Variants in USP42 observed in about 807,000 individuals in gnomAD.
USP42 encodes the protein ubiquitin specific peptidase 42.
A neutral mutation model predicts 113.0 loss-of-function variants in USP42; 23 were observed. The observed-to-expected ratio is 0.20, with a 90% CI of 0.15 to 0.29. The LOEUF is 0.29. USP42 is among the 10% of genes least tolerant of loss of function. USP42 has a pLI of 1.00. For synonymous variants in USP42, 933 were observed against 699.0 expected, an observed-to-expected ratio of 1.33 and a Z score of -5.28; for missense variants, 2,174 against 1,779.8, an observed-to-expected ratio of 1.22 and a Z score of -3.99.
At chr7:6,134,731 C>T (rs1336891864) in intron 3 of USP42, among the ~76,000 whole-genome samples, 1 of 152,162 alleles carries the variant, frequency 6.6e-6, no homozygotes, top group Non-Finnish European at 1.5e-5. Context: ...TAGAGACCAC[C>T]ATCTGTGGCC....
At chr7:6,152,880 G>A in intron 14 of USP42, 1 of 974,410 alleles carries the variant, frequency 1.0e-6, no homozygotes, top group Non-Finnish European at 1.2e-6. Context: ...CTACCTTTGA[G>A]GGTCCAAGAG....
chr7:6,089,376 C>T, the USP42 span, among the ~76,000 whole-genome samples: 2 of 150,052 alleles, frequency 1.3e-5, no homozygotes, highest in Non-Finnish European at 2.9e-5. Flanking sequence ...GATTGGCTAC[C>T]CCTGGGAGGG....
chr7:6,108,347 G>T (rs1327908394), intron 1 of USP42, among the ~76,000 whole-genome samples: 3 of 152,098 alleles, frequency 2.0e-5, no homozygotes. Flanking sequence ...AGACCAGCCT[G>T]GGCAACGTAG....
chr7:6,109,881 A>C (rs188342064), intron 1 of USP42, among the ~76,000 whole-genome samples: 1 of 148,476 alleles, frequency 6.7e-6, no homozygotes, highest in East Asian at 2.0e-4. Flanking sequence ...TTGTATTTTT[A>C]GTAGAGATGA....
chr7:6,092,103 T>C, the USP42 span, among the ~76,000 whole-genome samples: 441 of 86,744 alleles, frequency 5.1e-3, 30 homozygotes, highest in South Asian at 6.0e-3. Flanking sequence ...CTTCCTCCTC[T>C]TCTTCTTCTT....
At chr7:6,106,599 C>G (rs1012931729) in intron 1 of USP42, among the ~76,000 whole-genome samples, 1 of 152,190 alleles carries the variant, frequency 6.6e-6, no homozygotes, top group African/African-American at 2.4e-5. Flanking sequence ...AGATCTCCCT[C>G]TGCTGCCTAG....
intron 3 of USP42, among the ~76,000 whole-genome samples, chr7:6,117,646 T>G (rs550693175): frequency 3.9e-5 from 6 of 152,220 alleles, no homozygotes; most frequent in Non-Finnish European, 8.8e-5. Context: ...TTGCAGTGTT[T>G]TATAGTCCCA....
intron 3 of USP42, chr7:6,116,521 A>G (rs570689079): frequency 2.5e-5 from 7 of 276,512 alleles, no homozygotes; most frequent in East Asian, 1.4e-4. Context: ...TCATGTGTGT[A>G]TGTTCTGGGG....
intron 12 of USP42, among the ~76,000 whole-genome samples, 168 bp downstream of exon 12, chr7:6,148,060 G>A (rs1474836994): frequency 2.6e-5 from 4 of 152,198 alleles, no homozygotes; most frequent in African/African-American, 7.2e-5. Context: ...GAAAACGGCC[G>A]AGCGCAGTGG....
upstream of USP42, among the ~76,000 whole-genome samples, chr7:6,102,140 GA>G (rs1790145755): frequency 1.4e-5 from 2 of 139,166 alleles, no homozygotes; most frequent in Non-Finnish European, 1.5e-5. Context: ...GAGACAGACG[GA>G]ATCTCACTCT....
chr7:6,081,997 A>G, the USP42 span, among the ~76,000 whole-genome samples: 1 of 152,124 alleles, frequency 6.6e-6, no homozygotes, highest in Non-Finnish European at 1.5e-5. Context: ...TAAGTTCCAA[A>G]TAATAGGTAT....
In USP42 at chr7:6,135,968, G is replaced by A. The variant is rs540870634; in HGVS notation, c.553+17G>A. The A allele has an allele frequency of 4.9e-6, 6 of 1,219,828 alleles. No homozygotes were observed. In the South Asian group the frequency reaches 5.7e-5, roughly 12 times the overall value. 75.6% of individuals were successfully genotyped at this position (1,219,828 alleles called of 1,614,324 possible). On this transcript the variant is annotated intron_variant, in intron 4 of 17. Coordinates refer to ENST00000306177, the MANE Select transcript of USP42 (RefSeq NM_032172.3). ...AGATGCGGCGTAAGTATTAACTATT[G>A]TAGTTTTATATTTGTATTTATTACC...
intron 1 of USP42, 133 bp from the exon 2 acceptor site, chr7:6,110,992 G>GT: frequency 1.1e-6 from 1 of 885,974 alleles, no homozygotes. Context: ...AAGTACTATT[G>GT]TTTTTATATT....
chr7:6,086,440 C>A, the USP42 span, among the ~76,000 whole-genome samples: 1 of 150,690 alleles, frequency 6.6e-6, no homozygotes, highest in Non-Finnish European at 1.5e-5. Flanking sequence ...CTCCTGACAT[C>A]ATGATCCGCC....
rs1424864986 is a variant in USP42 at position 6,144,065 on chromosome 7, T to C, written c.879-20T>C. 8 of 1,471,612 alleles carry C rather than the reference T, an allele frequency of 5.4e-6. No homozygotes were observed. Among genetic ancestry groups the C allele is most frequent in the South Asian group, 2.6e-5 (2 of 75,808 alleles). The allele number at this position is 1,471,612 out of a possible 1,614,324, so 91.2% of individuals were successfully genotyped here. On this transcript the variant is annotated intron_variant, in intron 8 of 17. Coordinates refer to ENST00000306177, the MANE Select transcript of USP42 (RefSeq NM_032172.3). ...TGTATATATTCGTCTTCTTATACTTTTGTTTCTGTTTGTTTCAAGGTGTAA... is the reference window on the plus strand; with the variant it reads ...TGTATATATTCGTCTTCTTATACTTCTGTTTCTGTTTGTTTCAAGGTGTAA...
chr7:6,123,035 A>T (rs974523973), intron 3 of USP42, among the ~76,000 whole-genome samples: 3 of 151,158 alleles, frequency 2.0e-5, no homozygotes, highest in African/African-American at 7.3e-5. Context: ...CGTGTTGGCT[A>T]GGCTGGTCTC....
At chr7:6,104,237 C>T (rs190670591), upstream of USP42, among the ~76,000 whole-genome samples, 729 of 151,402 alleles carry the variant, frequency 4.8e-3, 56 homozygotes, top group African/African-American at 0.017. Flanking sequence ...CGCGCGCCAC[C>T]ACGCCCGGCT....
At chr7:6,092,650 A>T in the USP42 span, among the ~76,000 whole-genome samples, 8 of 151,266 alleles carry the variant, frequency 5.3e-5, no homozygotes, top group Non-Finnish European at 8.8e-5. Flanking sequence ...TAGTCTCTGG[A>T]AAGTAGGCAC....
At chr7:6,155,743 T>G (rs927289556) in intron 15 of USP42, among the ~76,000 whole-genome samples, 1 of 152,108 alleles carries the variant, frequency 6.6e-6, no homozygotes, top group Non-Finnish European at 1.5e-5. Flanking sequence ...GAAATCCAAT[T>G]GGGAAATTTG....
Sources: allele counts gnomAD v4.1 joint callset (sites outside exome capture counted in the v4.1 genomes callset), GRCh38; gene constraint gnomAD v4.1.1; transcripts MANE v1.5; gene names NCBI Gene and HGNC (gene_info 2026-07-23, HGNC 2026-07-21).